Variants in FRMD4A observed in about 807,000 individuals in gnomAD.
The protein encoded by FRMD4A is FERM domain containing 4A.
A neutral mutation model predicts 129.1 loss-of-function variants in FRMD4A; 29 were observed. The ratio of observed to expected loss-of-function variants is 0.22; its 90% CI spans 0.17 to 0.31. FRMD4A has a LOEUF of 0.31. FRMD4A is among the 10% of genes least tolerant of loss of function. The probability of loss-of-function intolerance (pLI) is 1.00; values close to 1 mark genes in which losing one functional copy is unlikely to be tolerated. For synonymous variants in FRMD4A, 634 were observed against 571.6 expected, an observed-to-expected ratio of 1.11 and a Z score of -1.56; for missense variants, 1,272 against 1,375.8, an observed-to-expected ratio of 0.92 and a Z score of 1.19.
intron 2 of FRMD4A, among the ~76,000 whole-genome samples, chr10:13,951,931 A>AT (rs2095374406): frequency 2.0e-5 from 3 of 147,860 alleles, no homozygotes; most frequent in Non-Finnish European, 4.5e-5. Context: ...AATAATAATA[A>AT]ACAATCTAAA....
intron 2 of FRMD4A, among the ~76,000 whole-genome samples, chr10:14,222,299 A>G (rs1843287115): frequency 6.6e-6 from 1 of 152,228 alleles, no homozygotes; most frequent in Non-Finnish European, 1.5e-5. Flanking sequence ...TTGCTTAGCA[A>G]AAGGTCTCAT....
intron 2 of FRMD4A, among the ~76,000 whole-genome samples, chr10:14,089,361 T>G (rs1197911183): frequency 6.6e-6 from 1 of 152,014 alleles, no homozygotes; most frequent in South Asian, 2.1e-4. Context: ...CCGCAGTGCA[T>G]GAAGCCACTT....
At chr10:13,817,537 G>A (rs891682590) in intron 3 of FRMD4A, among the ~76,000 whole-genome samples, 1 of 152,212 alleles carries the variant, frequency 6.6e-6, no homozygotes, top group African/African-American at 2.4e-5. Flanking sequence ...CAGGTGTCAA[G>A]GGCGAGGCCA....
At chr10:14,167,183 C>A (rs1355901872) in intron 2 of FRMD4A, among the ~76,000 whole-genome samples, 1 of 152,120 alleles carries the variant, frequency 6.6e-6, no homozygotes, top group African/African-American at 2.4e-5. Context: ...ATGAAATTAT[C>A]ATTTCTCCGC....
intron 2 of FRMD4A, among the ~76,000 whole-genome samples, chr10:14,161,875 C>G (rs964907849): frequency 2.0e-5 from 3 of 152,024 alleles, no homozygotes; most frequent in Non-Finnish European, 4.4e-5. Context: ...CTGATTTGAT[C>G]ATTACACATT....
Position 13,674,934 on chromosome 10 carries a change from T to C in FRMD4A, c.1228A>G (p.Lys410Glu). Residue 410 changes from lysine to glutamate, a missense_variant, in exon 16 of 25, where the codon AAG becomes GAG. This residue lies in a region of FRMD4A where 972 missense variants were observed against 892.3 expected (regional missense o/e 1.09). Coordinates refer to ENST00000357447, the MANE Select transcript of FRMD4A (RefSeq NM_018027.5). ...ETLRQRLEEL[K>E]KLCLREAELT... ...ACAGCTTCTCGGAGACACAGCTTCTTCAGTTCCTCCAGCCTCTGACGCAGG... is the reference window on the plus strand; with the variant it reads ...ACAGCTTCTCGGAGACACAGCTTCTCCAGTTCCTCCAGCCTCTGACGCAGG... 6.2e-7 allele frequency: 1 copy of C among 1,614,156 alleles called. No individual in the cohort carries two copies. The highest frequency in any genetic ancestry group is 1.6e-4 in the Middle Eastern group (1 of 6,062).
At chr10:14,034,353 C>G (rs533140005) in intron 2 of FRMD4A, among the ~76,000 whole-genome samples, 2 of 152,130 alleles carry the variant, frequency 1.3e-5, no homozygotes, top group Non-Finnish European at 2.9e-5. Flanking sequence ...GACGCACGTC[C>G]CTGACTATTG....
intron 15 of FRMD4A, chr10:13,693,621 G>A (rs1047289531): frequency 1.4e-6 from 1 of 727,244 alleles, no homozygotes. Flanking sequence ...AACGCTCTGG[G>A]GGGTACCTGA....
At chr10:13,848,503 G>A (rs2094088042) in intron 3 of FRMD4A, among the ~76,000 whole-genome samples, 1 of 152,176 alleles carries the variant, frequency 6.6e-6, no homozygotes, top group African/African-American at 2.4e-5. Flanking sequence ...GCGCAAAGAA[G>A]GGGTGTTGCC....
At chr10:14,278,060 A>G (rs930183332) in intron 2 of FRMD4A, among the ~76,000 whole-genome samples, 3 of 152,144 alleles carry the variant, frequency 2.0e-5, no homozygotes, top group African/African-American at 7.2e-5. Context: ...CACAAGCTCT[A>G]TCACTTTTCC....
chr10:13,927,313 T>C (rs935119309), intron 2 of FRMD4A, among the ~76,000 whole-genome samples: 1 of 152,164 alleles, frequency 6.6e-6, no homozygotes, highest in African/African-American at 2.4e-5. Context: ...TTTGCTCCCC[T>C]AACATGTAAA....
At chr10:14,086,202 T>C (rs1836264583) in intron 2 of FRMD4A, among the ~76,000 whole-genome samples, 1 of 152,190 alleles carries the variant, frequency 6.6e-6, no homozygotes, top group African/African-American at 2.4e-5. Flanking sequence ...TAATTATCTG[T>C]TTAACTAAAG....
intron 2 of FRMD4A, among the ~76,000 whole-genome samples, chr10:14,081,616 C>T (rs72776663): frequency 0.026 from 3,904 of 152,218 alleles, 74 homozygotes; most frequent in African/African-American, 0.051. Flanking sequence ...ATGAAAGTGC[C>T]ATCATCCAAT....
chr10:13,653,153 G>A (rs1001087949), intron 23 of FRMD4A: 2 of 151,958 alleles, frequency 1.3e-5, no homozygotes, highest in African/African-American at 4.8e-5. Flanking sequence ...CACTCAGTAA[G>A]TGTTAGGACC....
In FRMD4A at chr10:13,738,610, A is replaced by G. The variant is rs575297129; in HGVS notation, c.673-680T>C. Among the ~76,000 whole-genome samples, 15 of 149,678 alleles carry G rather than the reference A, an allele frequency of 1.0e-4. No individual in the cohort carries two copies. The South Asian group carries it at 3.1e-3, about 31-fold the overall frequency. ...ACAGTCTCAGGACTGAATTAGAAAC[A>G]CCAAGTCCCTGTTTATTCCTTTTTT... On this transcript the variant is annotated intron_variant, in intron 11 of 24. Coordinates refer to ENST00000357447, the MANE Select transcript of FRMD4A (RefSeq NM_018027.5).
At chr10:14,229,650 G>A (rs1171674755) in intron 2 of FRMD4A, among the ~76,000 whole-genome samples, 1 of 152,044 alleles carries the variant, frequency 6.6e-6, no homozygotes, top group East Asian at 1.9e-4. Flanking sequence ...AGTTGCCCAG[G>A]CTGGTCTTGA....
intron 15 of FRMD4A, chr10:13,684,401 C>G: frequency 1.0e-5 from 10 of 984,994 alleles, no homozygotes; most frequent in Non-Finnish European, 1.1e-5. Flanking sequence ...TGTTTGAGAC[C>G]CTGGAGACAC....
chr10:13,967,529 G>A (rs577707062), intron 2 of FRMD4A, among the ~76,000 whole-genome samples: 7 of 152,248 alleles, frequency 4.6e-5, no homozygotes, highest in Admixed American at 4.6e-4. Context: ...ATAACCTATG[G>A]AAATAAGAAA....
At chr10:13,896,503 A>C (rs1337054524) in intron 2 of FRMD4A, among the ~76,000 whole-genome samples, 1 of 152,112 alleles carries the variant, frequency 6.6e-6, no homozygotes. Context: ...GGAACATCAC[A>C]CACCAGGGCC....
Sources: gnomAD v4.1 joint callset for allele counts (sites outside exome capture counted in the v4.1 genomes callset) on GRCh38, gnomAD v4.1.1 for gene constraint, gnomAD v4.1.1 regional missense constraint, MANE v1.5 for transcripts, NCBI Gene and HGNC (gene_info 2026-07-23, HGNC 2026-07-21) for gene names.